CALCRL: variants seen among roughly 807,000 people sequenced by gnomAD.
The protein encoded by CALCRL is calcitonin receptor like receptor.
CALCRL carries 27 observed loss-of-function variants against 60.4 expected under a neutral mutation model. The observed-to-expected ratio is 0.45, with a 90% CI of 0.33 to 0.62. The LOEUF is 0.62. Among genes scored for constraint, CALCRL ranks in the 20% least tolerant of loss-of-function variants. The probability of loss-of-function intolerance (pLI) is 0.03; values close to 1 mark genes in which losing one functional copy is unlikely to be tolerated. For missense variants in CALCRL, 424 were observed against 540.7 expected, an observed-to-expected ratio of 0.78 and a Z score of 2.14; for synonymous variants, 190 against 182.6, an observed-to-expected ratio of 1.04 and a Z score of -0.33.
intron 12 of CALCRL, 149 bp downstream of exon 12, chr2:187,358,914 T>C: frequency 1.4e-6 from 1 of 728,472 alleles, no homozygotes; most frequent in Middle Eastern, 2.5e-4. Context: ...TCAGATATGA[T>C]ACCTTCACTA....
intron 10 of CALCRL, 102 bp from the exon 11 acceptor site, chr2:187,359,374 CA>C (rs761497803): frequency 1.6e-4 from 122 of 749,598 alleles, no homozygotes; most frequent in Non-Finnish European, 2.3e-4. Flanking sequence ...ACTCTAGGAG[CA>C]AAAAAACTAG....
intron 1 of CALCRL, among the ~76,000 whole-genome samples, chr2:187,411,792 C>G (rs183967455): frequency 1.3e-5 from 2 of 151,380 alleles, no homozygotes; most frequent in Non-Finnish European, 2.9e-5. Context: ...GTCAGGAGAT[C>G]GAGACCAGCC....
chr2:187,394,071 G>A (rs1379416667), intron 1 of CALCRL, among the ~76,000 whole-genome samples: 1 of 152,036 alleles, frequency 6.6e-6, no homozygotes, highest in Non-Finnish European at 1.5e-5. Context: ...GCTCTTAAAA[G>A]AAGAAAAGAA....
At chr2:187,385,664 C>T (rs1440027070) in intron 3 of CALCRL, 33 bp from the exon 4 acceptor site, 13 of 1,059,040 alleles carry the variant, frequency 1.2e-5, no homozygotes, top group East Asian at 2.6e-5. Context: ...TATAATTCAT[C>T]AATATTTATG....
intron 14 of CALCRL, among the ~76,000 whole-genome samples, chr2:187,346,781 C>T (rs554097275): frequency 3.3e-5 from 5 of 151,668 alleles, no homozygotes; most frequent in Non-Finnish European, 5.9e-5. Flanking sequence ...GAAGACAATT[C>T]GTGACAGGAT....
chr2:187,383,328 A>G (rs1688058073), intron 4 of CALCRL, 23 bp from the exon 5 acceptor site: 3 of 1,570,730 alleles, frequency 1.9e-6, no homozygotes, highest in East Asian at 2.3e-5. Context: ...AAAAACAACA[A>G]CATCAACTTC....
chr2:187,384,387 C>A (rs962233423), intron 4 of CALCRL, among the ~76,000 whole-genome samples: 1 of 152,160 alleles, frequency 6.6e-6, no homozygotes, highest in Non-Finnish European at 1.5e-5. Flanking sequence ...TGATTTTTAT[C>A]CCTACTTGGA....
rs146338973 is a variant in CALCRL at position 187,405,411 on chromosome 2, TTGTCTC to T, written c.-292-17661_-292-17656del. 8.3e-3 allele frequency among the ~76,000 whole-genome samples: 1,257 copies of T among 152,118 alleles called. 10 individuals carry two copies. The highest frequency in any genetic ancestry group is 0.029 in the African/African-American group (1,192 of 41,534). On this transcript the variant is annotated intron_variant, in intron 1 of 14. Transcript: ENST00000392370. ...TCACTTGTTTTCTCACCAATACTAA[TTGTCTC>T]TGTATGCATAACACTCTGCTTTGTT...
At chr2:187,413,034 G>A (rs975823355) in intron 1 of CALCRL, among the ~76,000 whole-genome samples, 7 of 152,124 alleles carry the variant, frequency 4.6e-5, no homozygotes, top group Non-Finnish European at 8.8e-5. Context: ...CATAAGCATA[G>A]TAAGCATTCA....
intron 8 of CALCRL, among the ~76,000 whole-genome samples, chr2:187,367,026 A>ACAATAT (rs1473348262): frequency 2.0e-5 from 3 of 152,050 alleles, no homozygotes; most frequent in Non-Finnish European, 4.4e-5. Flanking sequence ...TAAGACCCAA[A>ACAATAT]CAATATCATT....
intron 12 of CALCRL, among the ~76,000 whole-genome samples, chr2:187,355,558 G>A (rs530347356): frequency 1.3e-5 from 2 of 152,094 alleles, no homozygotes; most frequent in South Asian, 4.1e-4. Context: ...TTAAATAATA[G>A]AATATCTGTA....
chr2:187,431,055 A>G (rs1239084278), intron 1 of CALCRL, among the ~76,000 whole-genome samples: 1 of 152,188 alleles, frequency 6.6e-6, no homozygotes, highest in Non-Finnish European at 1.5e-5. Flanking sequence ...TATGGAGACT[A>G]AGTCCACTGC....
At chr2:187,367,085 G>C (rs1169243066) in intron 8 of CALCRL, among the ~76,000 whole-genome samples, 2 of 151,996 alleles carry the variant, frequency 1.3e-5, no homozygotes, top group Non-Finnish European at 2.9e-5. Context: ...GAAATTTACT[G>C]AATGTTTAAT....
chr2:187,447,643 A>G (rs1241129543), intron 1 of CALCRL, among the ~76,000 whole-genome samples: 1 of 152,070 alleles, frequency 6.6e-6, no homozygotes, highest in Non-Finnish European at 1.5e-5. Context: ...CCTCTTTCTT[A>G]CAGCTGATAA....
intron 1 of CALCRL, among the ~76,000 whole-genome samples, chr2:187,405,809 GT>G (rs1689092525): frequency 6.6e-6 from 1 of 152,004 alleles, no homozygotes; most frequent in African/African-American, 2.4e-5. Flanking sequence ...TTAGCAGAAA[GT>G]TTGTTAGTTT....
chr2:187,446,859 G>A (rs10169068), intron 1 of CALCRL, among the ~76,000 whole-genome samples: 2 of 151,962 alleles, frequency 1.3e-5, no homozygotes, highest in South Asian at 4.1e-4. Flanking sequence ...GAGTTACTCA[G>A]GATGTTTGTA....
Position 187,447,899 on chromosome 2 carries a change from T to G in CALCRL, c.-293+140A>C, listed in dbSNP as rs556762949. The G allele has an allele frequency of 2.6e-5, 4 of 152,236 alleles. No individual in the cohort carries two copies. In the South Asian group the frequency reaches 8.3e-4, roughly 32 times the overall value. 9.4% of individuals were successfully genotyped at this position (152,236 alleles called of 1,614,324 possible). A position where few individuals can be genotyped will look rare whatever the true frequency, so the allele number is the denominator to read the frequency against. On this transcript the variant is annotated intron_variant, in intron 1 of 14. Transcript: ENST00000392370. ...TTCATGTTGGGGTAGTAGGCTGTAT[T>G]TTCTCTAGCATGTGAAATAAGTGAG... is the stretch of plus-strand genomic sequence containing the variant.
At chr2:187,397,937 C>T (rs1430350103) in intron 1 of CALCRL, among the ~76,000 whole-genome samples, 1 of 151,688 alleles carries the variant, frequency 6.6e-6, no homozygotes, top group African/African-American at 2.4e-5. Flanking sequence ...AGTTGAATAA[C>T]TATTAAAGAG....
In CALCRL at chr2:187,385,551, A is replaced by C; in HGVS notation, c.45T>G (p.Phe15Leu). Residue 15 changes from phenylalanine (F) to leucine (L), a missense_variant, in exon 4 of 15, where the codon TTT becomes TTG. Physicochemically the swap from Phe to Leu is conservative, Grantham distance 22. This residue lies in a region of CALCRL where 108 missense variants were observed against 132.9 expected (regional missense o/e 0.81). Transcript: ENST00000392370. ...CTLYFLVLLP[F>L]FMILVTAELE... ...TATATATTTTTATGCTTACCATAAA[A>C]AAAGGCAAGAGAACCAGAAAATACA... 1 of 1,483,504 alleles carries C rather than the reference A, an allele frequency of 6.7e-7. No homozygotes were observed. Among genetic ancestry groups the C allele is most frequent in the Non-Finnish European group, 9.3e-7 (1 of 1,070,914 alleles). 91.9% of individuals were successfully genotyped at this position (1,483,504 alleles called of 1,614,324 possible). A position where few individuals can be genotyped will look rare whatever the true frequency, so the allele number is the denominator to read the frequency against.
Sources: allele counts gnomAD v4.1 joint callset (sites outside exome capture counted in the v4.1 genomes callset), GRCh38; gene constraint gnomAD v4.1.1; regional missense constraint gnomAD v4.1.1; transcripts MANE v1.5; gene names NCBI Gene and HGNC (gene_info 2026-07-23, HGNC 2026-07-21).